Variants in SLC26A4 observed in about 807,000 individuals in gnomAD.
The protein encoded by SLC26A4 is solute carrier family 26 member 4.
A neutral mutation model predicts 90.4 loss-of-function variants in SLC26A4; 93 were observed. That is an observed-to-expected ratio of 1.03 (90% CI 0.87 to 1.22). SLC26A4 has a LOEUF of 1.22. SLC26A4 is among the 50% of genes most tolerant of loss of function. SLC26A4 has a pLI of 0.00. For missense variants in SLC26A4, 1,127 were observed against 946.2 expected (o/e 1.19, Z -2.51); for synonymous variants, 393 against 354.6 (o/e 1.11, Z -1.22).
At chr7:107,681,442 A>C (rs1339285315) in intron 6 of SLC26A4, among the ~76,000 whole-genome samples, 4 of 152,212 alleles carry the variant, frequency 2.6e-5, no homozygotes, top group African/African-American at 9.6e-5. Flanking sequence ...CCAGATTATC[A>C]TTATAATTAT....
intron 18 of SLC26A4, among the ~76,000 whole-genome samples, chr7:107,705,982 T>C (rs1293883536): frequency 6.6e-6 from 1 of 152,214 alleles, no homozygotes; most frequent in Non-Finnish European, 1.5e-5. Flanking sequence ...AGGAACTGAG[T>C]AGTTCTTGGT....
Position 107,674,980 on chromosome 7 carries a change from G to T in SLC26A4, c.636G>T (p.Val212=), listed in dbSNP as rs1790981499. Residue 212 remains valine, a synonymous_variant, in exon 6 of 21, where the codon GTG becomes GTT. Coordinates refer to ENST00000644269, the MANE Select transcript of SLC26A4 (RefSeq NM_000441.2). ...GTGGCTTGCAGATTGGATTCATAGT[G>T]AGGTACTTGGCAGATCCTTTGGTTG... ...IFGGLQIGFI[V]RYLADPLVGG... The T allele has an allele frequency of 1.1e-5, 18 of 1,614,076 alleles. No homozygotes were observed. The highest frequency in any genetic ancestry group is 1.5e-5 in the Non-Finnish European group (18 of 1,179,988).
At chr7:107,709,976 G>C in intron 18 of SLC26A4, 78 bp from the exon 19 acceptor site, 2 of 1,253,618 alleles carry the variant, frequency 1.6e-6, no homozygotes, top group East Asian at 4.7e-5. Context: ...CTGGGCAATA[G>C]AATGAGACTC....
At chr7:107,678,653 G>C (rs990853397) in intron 6 of SLC26A4, among the ~76,000 whole-genome samples, 2 of 151,740 alleles carry the variant, frequency 1.3e-5, no homozygotes, top group African/African-American at 4.8e-5. Context: ...ATAGAATTTT[G>C]CAAGAAACTC....
chr7:107,715,338 A>G (rs1792318744), intron 20 of SLC26A4, 85 bp from the exon 21 acceptor site: 2 of 1,085,704 alleles, frequency 1.8e-6, no homozygotes, highest in Non-Finnish European at 2.9e-6. Context: ...AATCAATACT[A>G]TAAAAACATA....
At chr7:107,662,170 C>T (rs1790578478) in intron 2 of SLC26A4, 1 of 274,576 alleles carries the variant, frequency 3.6e-6, no homozygotes, top group Non-Finnish European at 6.9e-6. Flanking sequence ...ATAGGGAAAC[C>T]CAGCTCTTGA....
chr7:107,702,449 C>T (rs1345798274), intron 17 of SLC26A4, among the ~76,000 whole-genome samples: 7 of 151,836 alleles, frequency 4.6e-5, no homozygotes, highest in African/African-American at 9.7e-5. Context: ...CCCAGCACTT[C>T]GGGAGGCTGA....
intron 6 of SLC26A4, among the ~76,000 whole-genome samples, chr7:107,682,734 G>T (rs1004658938): frequency 1.7e-4 from 26 of 151,914 alleles, no homozygotes; most frequent in African/African-American, 6.3e-4. Flanking sequence ...GGAGTTTCAG[G>T]TTTATCAGCC....
At position 107,670,171 on chromosome 7, in the gene SLC26A4, G is replaced by A. The variant is rs186454981; in HGVS notation, c.305-1967G>A. On this transcript the variant is annotated intron_variant, in intron 3 of 20. Transcript: ENST00000644269. Reference sequence around the variant, plus strand: ...GTTGCCCAGGCTGGAATGCAGTGGCGCAATCTCGGCTCACTGAAACCTCCG... The same window carrying A: ...GTTGCCCAGGCTGGAATGCAGTGGCACAATCTCGGCTCACTGAAACCTCCG... Among the ~76,000 whole-genome samples the A allele has an allele frequency of 2.7e-5, 4 of 149,848 alleles. No homozygotes were observed. In the South Asian group the frequency reaches 6.3e-4, roughly 24 times the overall value.
rs1258763552 is a variant in SLC26A4, at chr7:107,672,152, C to G, written c.319C>G (p.Leu107Val). 1.9e-6 allele frequency: 3 copies of G among 1,609,670 alleles called. No homozygotes were observed. In the Admixed American group the frequency reaches 5.0e-5, roughly 27 times the overall value. The change falls in exon 4 of 21, where the codon CTA becomes GTA. Residue 107 changes from leucine to valine, a missense_variant. Coordinates refer to ENST00000644269, the MANE Select transcript of SLC26A4 (RefSeq NM_000441.2). The stretch of plus-strand genomic sequence containing the variant: ...TGTGCTTTCAGGGATGGCATATGCC[C>G]TACTAGCTGCAGTTCCTGTCGGATA... ...VATLQGMAYA[L>V]LAAVPVGYGL...
At chr7:107,673,831 C>A (rs1175982839) in intron 4 of SLC26A4, among the ~76,000 whole-genome samples, 2 of 152,110 alleles carry the variant, frequency 1.3e-5, no homozygotes, top group Non-Finnish European at 2.9e-5. Flanking sequence ...CCAGCTCAAG[C>A]AATCCCCCCA....
chr7:107,677,164 T>G (rs1791045224), intron 6 of SLC26A4, among the ~76,000 whole-genome samples: 1 of 151,908 alleles, frequency 6.6e-6, no homozygotes, highest in Non-Finnish European at 1.5e-5. Flanking sequence ...GTGATGGGAG[T>G]GAGACCCTGT....
intron 17 of SLC26A4, 44 bp from the exon 18 acceptor site, chr7:107,704,287 G>T (rs753641854): frequency 2.5e-6 from 2 of 810,532 alleles, no homozygotes; most frequent in Non-Finnish European, 2.2e-6. Context: ...ATTATGGGCA[G>T]ATAAGGTTGT....
chr7:107,701,077 G>T, intron 15 of SLC26A4, 24 bp from the exon 16 acceptor site: 2 of 1,428,586 alleles, frequency 1.4e-6, no homozygotes, highest in Non-Finnish European at 2.0e-6. Context: ...GGCATTTTAA[G>T]TAACTTGACA....
At chr7:107,711,639 C>T (rs963029556) in intron 19 of SLC26A4, among the ~76,000 whole-genome samples, 3 of 152,164 alleles carry the variant, frequency 2.0e-5, no homozygotes, top group Non-Finnish European at 2.9e-5. Flanking sequence ...GAGTCTAGCA[C>T]AAAGCTTTAT....
chr7:107,675,285 TAAAAAAAAAAAA>T (rs60022317), intron 6 of SLC26A4, among the ~76,000 whole-genome samples, 176 bp downstream of exon 6: 1 of 96,790 alleles, frequency 1.0e-5, no homozygotes, highest in Admixed American at 1.2e-4. Context: ...CCTCATCTCT[TAAAAAAAAAAAA>T]AAAAAAAAAG....
chr7:107,677,154 G>A (rs1168499637), intron 6 of SLC26A4, among the ~76,000 whole-genome samples: 1 of 152,196 alleles, frequency 6.6e-6, no homozygotes, highest in African/African-American at 2.4e-5. Flanking sequence ...TCCAGCCTGG[G>A]TGATGGGAGT....
At chr7:107,690,095 G>A in intron 9 of SLC26A4, 29 bp from the exon 10 acceptor site, 1 of 1,264,192 alleles carries the variant, frequency 7.9e-7, no homozygotes, top group Non-Finnish European at 1.2e-6. Context: ...TCAATTTGTA[G>A]GATCGTTGTC....
At chr7:107,676,742 T>C (rs920377989) in intron 6 of SLC26A4, among the ~76,000 whole-genome samples, 7 of 152,194 alleles carry the variant, frequency 4.6e-5, no homozygotes, top group African/African-American at 1.7e-4. Flanking sequence ...ATGTCAATAA[T>C]TGCTCAATTT....
Sources: allele counts gnomAD v4.1 joint callset (sites outside exome capture counted in the v4.1 genomes callset), GRCh38; gene constraint gnomAD v4.1.1; transcripts MANE v1.5; gene names NCBI Gene and HGNC (gene_info 2026-07-23, HGNC 2026-07-21).